TNR: variants seen among roughly 807,000 people sequenced by gnomAD.
The protein encoded by TNR is tenascin-R.
A neutral mutation model predicts 150.4 loss-of-function variants in TNR; 45 were observed. That is an observed-to-expected ratio of 0.30 (90% CI 0.24 to 0.38). TNR has a LOEUF of 0.38. TNR is among the 10% of genes least tolerant of loss of function. TNR has a pLI of 1.00. For missense variants in TNR, 1,544 were observed against 1,759.1 expected, an observed-to-expected ratio of 0.88 and a Z score of 2.19; for synonymous variants, 687 against 678.4, an observed-to-expected ratio of 1.01 and a Z score of -0.20.
chr1:175,637,637 A>T (rs1475858838), intron 1 of TNR, among the ~76,000 whole-genome samples: 1 of 152,232 alleles, frequency 6.6e-6, no homozygotes, highest in Non-Finnish European at 1.5e-5. Context: ...CATTTTCATG[A>T]TAGGTTCATC....
chr1:175,447,659 T>G (rs1174095191), intron 2 of TNR, among the ~76,000 whole-genome samples: 1 of 152,244 alleles, frequency 6.6e-6, no homozygotes, highest in Non-Finnish European at 1.5e-5. Flanking sequence ...ACATGATTTC[T>G]GTGTTGTCTC....
intron 1 of TNR, among the ~76,000 whole-genome samples, chr1:175,731,393 C>G (rs1667637649): frequency 6.6e-6 from 1 of 152,134 alleles, no homozygotes; most frequent in South Asian, 2.1e-4. Flanking sequence ...TTTTGCTTAC[C>G]TTCACCAATG....
At chr1:175,558,796 A>C (rs1661296792) in intron 1 of TNR, among the ~76,000 whole-genome samples, 1 of 152,232 alleles carries the variant, frequency 6.6e-6, no homozygotes, top group African/African-American at 2.4e-5. Context: ...ATGAGTAAGC[A>C]GAGCAGCGAG....
intron 1 of TNR, among the ~76,000 whole-genome samples, chr1:175,627,544 T>A (rs749217813): frequency 6.6e-6 from 1 of 152,206 alleles, no homozygotes; most frequent in Non-Finnish European, 1.5e-5. Flanking sequence ...AAATTTCTCA[T>A]CTGGTAAAAA....
intron 2 of TNR, among the ~76,000 whole-genome samples, chr1:175,509,486 A>G (rs978314825): frequency 2.0e-5 from 3 of 151,872 alleles, no homozygotes; most frequent in Non-Finnish European, 4.4e-5. Flanking sequence ...TCTCCTTTTC[A>G]TTATTTCACA....
intron 1 of TNR, among the ~76,000 whole-genome samples, chr1:175,590,371 ATTAT>A (rs1392655663): frequency 6.6e-6 from 1 of 152,152 alleles, no homozygotes; most frequent in Non-Finnish European, 1.5e-5. Context: ...TGCATTAAAT[ATTAT>A]TTATTTTAAC....
At chr1:175,407,325 A>G (rs1421747956) in intron 2 of TNR, among the ~76,000 whole-genome samples, 1 of 152,258 alleles carries the variant, frequency 6.6e-6, no homozygotes, top group Admixed American at 6.5e-5. Flanking sequence ...GTGATTGTTA[A>G]TAAACCTTGG....
rs115336924 is a variant in TNR at position 175,434,696 on chromosome 1, C to T, written c.-63-27919G>A. On this transcript the variant is annotated intron_variant, in intron 2 of 22. Transcript: ENST00000367674. The stretch of plus-strand genomic sequence containing the variant: ...ACCACTCCTGGCCCCTTGATTTATG[C>T]CCGGGAATACGGTATGTGTGTTTCT... Among the ~76,000 whole-genome samples the T allele has an allele frequency of 6.0e-3, 914 of 152,252 alleles. 7 individuals carry two copies. The highest frequency in any genetic ancestry group is 8.9e-3 in the Non-Finnish European group (602 of 68,008).
intron 2 of TNR, among the ~76,000 whole-genome samples, chr1:175,521,171 C>A (rs547869543): frequency 2.5e-3 from 381 of 152,290 alleles, no homozygotes; most frequent in Middle Eastern, 0.01. Flanking sequence ...TTGGCGATAT[C>A]CTGCTCTCCA....
At chr1:175,631,546 C>G (rs1011494079) in intron 1 of TNR, among the ~76,000 whole-genome samples, 1 of 152,154 alleles carries the variant, frequency 6.6e-6, no homozygotes, top group African/African-American at 2.4e-5. Context: ...TGGCCCAAGA[C>G]AATTCTTCTT....
At chr1:175,324,605 C>T in intron 21 of TNR, 86 bp from the exon 22 acceptor site, 1 of 1,488,340 alleles carries the variant, frequency 6.7e-7, no homozygotes, top group South Asian at 1.3e-5. Flanking sequence ...TTCCAGCAAA[C>T]CTGGCTTCCA....
chr1:175,413,012 G>A (rs1025771722), intron 2 of TNR, among the ~76,000 whole-genome samples: 4 of 152,058 alleles, frequency 2.6e-5, no homozygotes, highest in African/African-American at 9.7e-5. Context: ...TTCTGCAGGT[G>A]GCCTGTCTTT....
intron 2 of TNR, among the ~76,000 whole-genome samples, chr1:175,444,732 A>G (rs1301500487): frequency 6.6e-6 from 1 of 152,220 alleles, no homozygotes; most frequent in African/African-American, 2.4e-5. Flanking sequence ...CTAAATTGTA[A>G]TTGATGACTT....
At chr1:175,556,233 C>G (rs1661155122) in intron 1 of TNR, among the ~76,000 whole-genome samples, 1 of 152,230 alleles carries the variant, frequency 6.6e-6, no homozygotes, top group Non-Finnish European at 1.5e-5. Flanking sequence ...TCCACCTCCT[C>G]ATCAGAAGGC....
intron 1 of TNR, among the ~76,000 whole-genome samples, chr1:175,604,319 C>G (rs546157136): frequency 9.5e-4 from 144 of 152,266 alleles, no homozygotes; most frequent in Middle Eastern, 6.8e-3. Context: ...CTTCTTGACT[C>G]TCACAGTAGC....
At chr1:175,459,047 A>G (rs1656697027) in intron 2 of TNR, among the ~76,000 whole-genome samples, 1 of 151,916 alleles carries the variant, frequency 6.6e-6, no homozygotes. Flanking sequence ...TGCCTCTACT[A>G]TTACCACCAT....
In TNR at chr1:175,430,129, T is replaced by C. The variant is rs146716609; in HGVS notation, c.-63-23352A>G. 5.9e-5 allele frequency among the ~76,000 whole-genome samples: 9 copies of C among 151,816 alleles called. No individual in the cohort carries two copies. The East Asian group carries it at 1.7e-3, about 29-fold the overall frequency. On this transcript the variant is annotated intron_variant, in intron 2 of 22. Coordinates refer to ENST00000367674, the MANE Select transcript of TNR (RefSeq NM_003285.3). ...TCTATTATCATTTAGTGGTGAAAAA[T>C]GTGGCAGTACTTCACCACAACTGTT... is the stretch of plus-strand genomic sequence containing the variant.
chr1:175,681,834 T>C (rs1203462577), intron 1 of TNR, among the ~76,000 whole-genome samples: 2 of 152,076 alleles, frequency 1.3e-5, no homozygotes, highest in East Asian at 3.9e-4. Context: ...GGCCAGAAGC[T>C]AGTTCTGTTG....
intron 1 of TNR, among the ~76,000 whole-genome samples, chr1:175,537,176 A>G (rs530175181): frequency 4.9e-4 from 74 of 152,274 alleles, no homozygotes; most frequent in Non-Finnish European, 6.3e-4. Context: ...AATGGGTCCT[A>G]ATTGCATTTG....
Sources: allele counts gnomAD v4.1 joint callset (sites outside exome capture counted in the v4.1 genomes callset), GRCh38; gene constraint gnomAD v4.1.1; transcripts MANE v1.5; gene names NCBI Gene and HGNC (gene_info 2026-07-23, HGNC 2026-07-21).